FXN: variants seen among roughly 807,000 people sequenced by gnomAD.
The protein encoded by FXN is frataxin, mitochondrial.
A neutral mutation model predicts 22.4 loss-of-function variants in FXN; 14 were observed. The ratio of observed to expected loss-of-function variants is 0.62; its 90% confidence interval spans 0.41 to 0.98. The LOEUF is 0.98. Ranked by LOEUF, FXN falls within the 50% of genes least tolerant of loss-of-function variation. FXN has a pLI of 0.00. For synonymous variants in FXN, 120 were observed against 114.1 expected (o/e 1.05, Z -0.33); for missense variants, 267 against 268.4 (o/e 0.99, Z 0.04).
chr9:69,067,200 G>A (rs1410096609), intron 4 of FXN, among the ~76,000 whole-genome samples: 4 of 152,220 alleles, frequency 2.6e-5, no homozygotes, highest in Non-Finnish European at 4.4e-5. Flanking sequence ...GTCCCGCTCC[G>A]GGCCTCACCA....
Position 69,076,623 on chromosome 9 carries a change from T to G in FXN, c.*3861T>G. The G allele has an allele frequency of 1.0e-6, 1 of 985,470 alleles. No individual in the cohort carries two copies. Among genetic ancestry groups the G allele is most frequent in the African/African-American group, 1.7e-5 (1 of 57,378 alleles). 61.0% of individuals were successfully genotyped at this position (985,470 alleles called of 1,614,324 possible). On this transcript the variant is annotated 3_prime_UTR_variant, in exon 5 of 5. Transcript: ENST00000484259. ...CCTGCCCCAAATTCTGACAGATGCT[T>G]TTGCCACCTCTAAAGGAAGACCCAT...
intron 2 of FXN, among the ~76,000 whole-genome samples, chr9:69,051,553 A>T (rs2133108405): frequency 6.6e-6 from 1 of 152,322 alleles, no homozygotes; most frequent in African/African-American, 2.4e-5. Flanking sequence ...TGGCATAGTT[A>T]AGGCCAAAAA....
chr9:69,071,285 T>C (rs1832270561), intron 4 of FXN: 1 of 518,914 alleles, frequency 1.9e-6, no homozygotes, highest in Admixed American at 1.9e-5. Context: ...TTTATCTCCA[T>C]ACTGGGAACA....
Position 69,078,508 on chromosome 9 carries a change from T to TTACC in FXN, c.*5746_*5747insTACC, listed in dbSNP as rs372755395. ...AGGGTAAGCTTTCAGAAAGGCAATC[T>TTACC]CTTGTCTGTAAAACCTAAGCAGGAC... On this transcript the variant is annotated 3_prime_UTR_variant, in exon 5 of 5. Coordinates refer to ENST00000484259, the MANE Select transcript of FXN (RefSeq NM_000144.5). 174,431 of 982,990 alleles carry TTACC rather than the reference T, an allele frequency of 0.18. 15,970 individuals are homozygous for TTACC. The highest frequency in any genetic ancestry group is 0.3 in the East Asian group (2,649 of 8,786). The allele number at this position is 982,990 out of a possible 1,614,324, so 60.9% of individuals were successfully genotyped here. A position where few individuals can be genotyped will look rare whatever the true frequency, so the allele number is the denominator to read the frequency against.
At chr9:69,065,216 CATAGTGAGTCCCTGTCTCTGTAAAG>C (rs1392058360) in intron 4 of FXN, among the ~76,000 whole-genome samples, 181 bp downstream of exon 4, 6 of 152,092 alleles carry the variant, frequency 3.9e-5, no homozygotes. Flanking sequence ...TCCTGGGCAA[CATAGTGAGTCCCTGTCTCTGTAAAG>C]AAAATAAAAA....
At chr9:69,054,385 AG>A (rs1831916502) in intron 3 of FXN, among the ~76,000 whole-genome samples, 1 of 152,212 alleles carries the variant, frequency 6.6e-6, no homozygotes, top group Non-Finnish European at 1.5e-5. Flanking sequence ...ACTGGCCACC[AG>A]GTGGCAGATT....
intron 4 of FXN, among the ~76,000 whole-genome samples, chr9:69,070,437 C>T (rs529761386): frequency 7.7e-4 from 117 of 152,306 alleles, no homozygotes; most frequent in African/African-American, 2.6e-3. Flanking sequence ...CTAGGGGGAC[C>T]ATGGGCCACC....
chr9:69,049,724 C>T (rs889247966), intron 2 of FXN, among the ~76,000 whole-genome samples: 4 of 152,098 alleles, frequency 2.6e-5, no homozygotes, highest in African/African-American at 9.7e-5. Context: ...CAAGATTGTG[C>T]AGCTGTCACT....
rs993183346 is a variant in FXN at position 69,074,759 on chromosome 9, A to C, written c.*1997A>C. On this transcript the variant is annotated 3_prime_UTR_variant, in exon 5 of 5. Coordinates refer to ENST00000484259, the MANE Select transcript of FXN (RefSeq NM_000144.5). ...TTAAAAAAAGAAAAAAAAACCTATT[A>C]ATAATAAAACAGTATAAACAAAAGC... 1 of 887,992 alleles carries C rather than the reference A, an allele frequency of 1.1e-6. No homozygotes were observed. The highest frequency in any genetic ancestry group is 1.8e-5 in the African/African-American group (1 of 54,902). 55.0% of individuals were successfully genotyped at this position (887,992 alleles called of 1,614,324 possible).
Position 69,076,559 on chromosome 9 carries a change from A to G in FXN, c.*3797A>G. The G allele has an allele frequency of 1.2e-5, 12 of 985,436 alleles. No homozygotes were observed. The highest frequency in any genetic ancestry group is 4.7e-5 in the South Asian group (1 of 21,286). 61.0% of individuals were successfully genotyped at this position (985,436 alleles called of 1,614,324 possible). On this transcript the variant is annotated 3_prime_UTR_variant, in exon 5 of 5. Coordinates refer to ENST00000484259, the MANE Select transcript of FXN (RefSeq NM_000144.5). ...GCCAATTTAAAATTTGACAGTTTGC[A>G]TTAAATTATAGGTTTACAATATGCT...
intron 1 of FXN, among the ~76,000 whole-genome samples, chr9:69,045,483 C>T (rs1195709427): frequency 3.9e-5 from 6 of 152,090 alleles, no homozygotes; most frequent in Non-Finnish European, 8.8e-5. Context: ...ATCCCAGCTA[C>T]GCGGGAGGCT....
chr9:69,062,522 G>A (rs1416565281), intron 3 of FXN, among the ~76,000 whole-genome samples: 2 of 152,018 alleles, frequency 1.3e-5, no homozygotes, highest in African/African-American at 2.4e-5. Context: ...TATAATCCCA[G>A]CCCTTTTAAA....
chr9:69,068,308 A>G (rs958714400), intron 4 of FXN, among the ~76,000 whole-genome samples: 5 of 152,214 alleles, frequency 3.3e-5, no homozygotes, highest in Admixed American at 6.5e-5. Context: ...AAATAATGTC[A>G]CTTTCTGTTT....
chr9:69,071,676 G>T (rs1832277618), intron 4 of FXN, among the ~76,000 whole-genome samples: 1 of 152,210 alleles, frequency 6.6e-6, no homozygotes. Context: ...AGCCCACCAG[G>T]CTCTCAATGT....
intron 4 of FXN, among the ~76,000 whole-genome samples, chr9:69,068,584 G>A (rs1832216819): frequency 6.6e-6 from 1 of 152,252 alleles, no homozygotes; most frequent in Non-Finnish European, 1.5e-5. Flanking sequence ...GGCAGTGCTA[G>A]TGATGTGCAG....
intron 2 of FXN, among the ~76,000 whole-genome samples, chr9:69,048,361 T>C (rs944653048): frequency 2.6e-5 from 4 of 152,086 alleles, no homozygotes; most frequent in African/African-American, 4.8e-5. Context: ...TCCTAGCTCT[T>C]TGGGAGGCCG....
Position 69,078,093 on chromosome 9 carries a change from A to G in FXN, c.*5331A>G. 1 of 985,446 alleles carries G rather than the reference A, an allele frequency of 1.0e-6. No homozygotes were observed. Among genetic ancestry groups the G allele is most frequent in the African/African-American group, 1.7e-5 (1 of 57,354 alleles). The allele number at this position is 985,446 out of a possible 1,614,324, so 61.0% of individuals were successfully genotyped here. On this transcript the variant is annotated 3_prime_UTR_variant, in exon 5 of 5. Transcript: ENST00000484259. ...AATGGCTTAAATAAAACCCTAAGAG[A>G]AAGAAAAACTTTAAATCCCTCCAAA... is the stretch of plus-strand genomic sequence containing the variant.
rs947376026 is a variant in FXN, at chr9:69,077,597, C to A, written c.*4835C>A. 1 of 985,472 alleles carries A rather than the reference C, an allele frequency of 1.0e-6. No individual in the cohort carries two copies. The highest frequency in any genetic ancestry group is 5.2e-4 in the Middle Eastern group (1 of 1,914). 61.0% of individuals were successfully genotyped at this position (985,472 alleles called of 1,614,324 possible). ...TGCTGTCCACTTGTGTTTCTGTGAT[C>A]TGTGGGAACATTGTTAACGCCACAT... On this transcript the variant is annotated 3_prime_UTR_variant, in exon 5 of 5. Transcript: ENST00000484259.
intron 4 of FXN, among the ~76,000 whole-genome samples, chr9:69,065,418 A>G (rs1293483600): frequency 1.3e-5 from 2 of 151,990 alleles, no homozygotes; most frequent in Non-Finnish European, 2.9e-5. Context: ...GCACACGCCT[A>G]TAGTCCCAAC....
Sources: gnomAD v4.1 joint callset for allele counts (sites outside exome capture counted in the v4.1 genomes callset) on GRCh38, gnomAD v4.1.1 for gene constraint, MANE v1.5 for transcripts, NCBI Gene and HGNC (gene_info 2026-07-23, HGNC 2026-07-21) for gene names.